Variants in HPCAL1 observed in about 807,000 individuals in gnomAD.
HPCAL1 encodes the protein hippocalcin like 1.
A neutral mutation model predicts 17.1 loss-of-function variants in HPCAL1; 8 were observed. That is an observed-to-expected ratio of 0.47 (90% CI 0.27 to 0.84). The LOEUF (loss-of-function observed/expected upper bound fraction) is 0.84, where lower values mean the gene tolerates loss of function less well. HPCAL1 is among the 40% of genes least tolerant of loss of function. HPCAL1 has a pLI of 0.13. For missense variants in HPCAL1, 165 were observed against 271.1 expected, an observed-to-expected ratio of 0.61 and a Z score of 2.75; for synonymous variants, 112 against 111.4, an observed-to-expected ratio of 1.01 and a Z score of -0.03.
chr2:10,426,091 C>G (rs1397580714), intron 4 of HPCAL1: 1 of 152,382 alleles, frequency 6.6e-6, no homozygotes, highest in African/African-American at 2.4e-5. Flanking sequence ...CCACGAGCCT[C>G]CAGAGGCCAC....
In HPCAL1 at chr2:10,384,043, AC is replaced by A. The variant is rs890331716; in HGVS notation, c.-110-12790del. ...CACACACACACCCACACACACACAC[AC>A]CTTTTGCTGGTGGCTCTGGATTGGT... On this transcript the variant is annotated intron_variant, in intron 1 of 4. Coordinates refer to ENST00000307845, the MANE Select transcript of HPCAL1 (RefSeq NM_002149.4). The surrounding 1 kb of genome is among the most constrained non-coding windows in gnomAD (Gnocchi z 4.4). 6.6e-6 allele frequency among the ~76,000 whole-genome samples: 1 copy of A among 151,490 alleles called. No homozygotes were observed. Among genetic ancestry groups the A allele is most frequent in the Non-Finnish European group, 1.5e-5 (1 of 67,866 alleles).
At chr2:10,313,073 T>C (rs1307879173) in intron 1 of HPCAL1, among the ~76,000 whole-genome samples, 1 of 152,214 alleles carries the variant, frequency 6.6e-6, no homozygotes, top group Non-Finnish European at 1.5e-5. Context: ...AGGATGAGTA[T>C]AGGCATAGAG....
At chr2:10,392,386 T>C (rs911051317) in intron 1 of HPCAL1, among the ~76,000 whole-genome samples, 1 of 152,230 alleles carries the variant, frequency 6.6e-6, no homozygotes, top group African/African-American at 2.4e-5. Flanking sequence ...GTAGTGAAGC[T>C]ATTTGGCCAG....
At position 10,419,554 on chromosome 2, in the gene HPCAL1, TAG is replaced by T. The variant is rs1000024924; in HGVS notation, c.-24-177_-24-176del. ...TGAGGGTGAGCTGTCGTGATATAATTAGAGTCTCTTGGCCTTCTTGGTGGTCC... is the reference window on the plus strand; with the variant it reads ...TGAGGGTGAGCTGTCGTGATATAATTAGTCTCTTGGCCTTCTTGGTGGTCC... On this transcript the variant is annotated intron_variant, in intron 2 of 4. Coordinates refer to ENST00000307845, the MANE Select transcript of HPCAL1 (RefSeq NM_002149.4). This position sits in a 1 kb window ranked among gnomAD's most constrained non-coding sequence, Gnocchi z 5.0. Among the ~76,000 whole-genome samples, 1 of 151,882 alleles carries T rather than the reference TAG, an allele frequency of 6.6e-6. No individual in the cohort carries two copies. Among genetic ancestry groups the T allele is most frequent in the Non-Finnish European group, 1.5e-5 (1 of 67,978 alleles).
intron 2 of HPCAL1, among the ~76,000 whole-genome samples, chr2:10,404,033 T>A (rs1043052730): frequency 6.6e-5 from 10 of 152,170 alleles, no homozygotes; most frequent in Non-Finnish European, 1.5e-4. Context: ...TGTTCTTTAT[T>A]GCTCTATACA....
At chr2:10,332,474 C>T (rs937140389) in intron 1 of HPCAL1, among the ~76,000 whole-genome samples, 1 of 152,172 alleles carries the variant, frequency 6.6e-6, no homozygotes, top group Non-Finnish European at 1.5e-5. Context: ...ACAGCTTCTG[C>T]CTAGGGTGGG....
At chr2:10,398,357 C>T (rs566307436) in intron 2 of HPCAL1, among the ~76,000 whole-genome samples, 11 of 152,350 alleles carry the variant, frequency 7.2e-5, no homozygotes, top group Admixed American at 2.0e-4. Flanking sequence ...GCCCTAGACA[C>T]GGGAGATGCT....
chr2:10,315,404 T>C (rs1038481052), intron 1 of HPCAL1, among the ~76,000 whole-genome samples: 2 of 152,228 alleles, frequency 1.3e-5, no homozygotes, highest in African/African-American at 4.8e-5. Flanking sequence ...ACGGTGGTTG[T>C]ATTCCATGGG....
At position 10,340,524 on chromosome 2, in the gene HPCAL1, C is replaced by T. The variant is rs73161275; in HGVS notation, c.-111+37347C>T. On this transcript the variant is annotated intron_variant, in intron 1 of 4. Coordinates refer to ENST00000307845, the MANE Select transcript of HPCAL1 (RefSeq NM_002149.4). ...CTTTGAGAGGTCATCTGTAGGAGGG[C>T]GCAGGAACATCCCAGGAGGGGGTGT... 1.1e-3 allele frequency among the ~76,000 whole-genome samples: 167 copies of T among 152,272 alleles called. 1 individual carries two copies. Among genetic ancestry groups the T allele is most frequent in the African/African-American group, 3.8e-3 (159 of 41,538 alleles).
rs1324828960 is a variant in HPCAL1 at position 10,334,755 on chromosome 2, G to A, written c.-111+31578G>A. On this transcript the variant is annotated intron_variant, in intron 1 of 4. Transcript: ENST00000307845. ...GGCTGGAGTGCAGTGGCACGATCTCGGCTCATTGCAACTTCCACCTCCCAG... is the reference window on the plus strand; with the variant it reads ...GGCTGGAGTGCAGTGGCACGATCTCAGCTCATTGCAACTTCCACCTCCCAG... Among the ~76,000 whole-genome samples the A allele has an allele frequency of 4.0e-5, 6 of 148,942 alleles. No individual in the cohort carries two copies. In the Admixed American group the frequency reaches 4.0e-4, roughly 10 times the overall value.
At chr2:10,357,324 G>A (rs1666220048) in intron 1 of HPCAL1, among the ~76,000 whole-genome samples, 1 of 152,202 alleles carries the variant, frequency 6.6e-6, no homozygotes, top group Non-Finnish European at 1.5e-5. Context: ...GCTCTCTCAG[G>A]TTTTGCTCTT....
At chr2:10,393,005 A>G (rs1668804881) in intron 1 of HPCAL1, among the ~76,000 whole-genome samples, 1 of 152,168 alleles carries the variant, frequency 6.6e-6, no homozygotes, top group East Asian at 1.9e-4. Context: ...ACCCTACCCT[A>G]AGGTGTGACG....
intron 1 of HPCAL1, among the ~76,000 whole-genome samples, chr2:10,345,839 A>G (rs904538484): frequency 6.6e-6 from 1 of 152,256 alleles, no homozygotes; most frequent in Non-Finnish European, 1.5e-5. Context: ...AATAGAAAAT[A>G]TAAAGAAACT....
chr2:10,304,347 C>A lies in HPCAL1; in HGVS notation c.-111+1170C>A, dbSNP rs1662477040. 6.6e-6 allele frequency among the ~76,000 whole-genome samples: 1 copy of A among 152,240 alleles called. No individual in the cohort carries two copies. The highest frequency in any genetic ancestry group is 1.5e-5 in the Non-Finnish European group (1 of 68,036). On this transcript the variant is annotated intron_variant, in intron 1 of 4. Coordinates refer to ENST00000307845, the MANE Select transcript of HPCAL1 (RefSeq NM_002149.4). This position sits in a 1 kb window ranked among gnomAD's most constrained non-coding sequence, Gnocchi z 4.1. Reference sequence around the variant, plus strand: ...CACGGCGTAAAATTGGCGCTTCCCGCACATGCAGATCTCGGGCTCCCGGGG... The same window carrying A: ...CACGGCGTAAAATTGGCGCTTCCCGAACATGCAGATCTCGGGCTCCCGGGG...
At chr2:10,392,226 C>T (rs929601779) in intron 1 of HPCAL1, among the ~76,000 whole-genome samples, 2 of 150,498 alleles carry the variant, frequency 1.3e-5, no homozygotes, top group South Asian at 2.1e-4. Flanking sequence ...TATTTAGTAG[C>T]GATGAGGTCT....
At chr2:10,315,154 G>T (rs528753417) in intron 1 of HPCAL1, among the ~76,000 whole-genome samples, 3 of 152,082 alleles carry the variant, frequency 2.0e-5, no homozygotes, top group African/African-American at 7.2e-5. Context: ...TTAGCCGGGC[G>T]TGGTGGCGGG....
At chr2:10,424,793 C>A in intron 4 of HPCAL1, 1 of 374,202 alleles carries the variant, frequency 2.7e-6, no homozygotes, top group South Asian at 1.9e-5. Context: ...TGGTCCTCGG[C>A]CCTCAAAGCT....
At chr2:10,406,674 T>C (rs1025888556) in intron 2 of HPCAL1, among the ~76,000 whole-genome samples, 17 of 152,368 alleles carry the variant, frequency 1.1e-4, no homozygotes, top group Middle Eastern at 3.4e-3. Context: ...GGGCTCGCTC[T>C]AGCCTGGCCC....
rs1253213591 is a variant in HPCAL1 at position 10,343,820 on chromosome 2, G to A, written c.-111+40643G>A. Among the ~76,000 whole-genome samples, 1 of 152,182 alleles carries A rather than the reference G, an allele frequency of 6.6e-6. No homozygotes were observed. The highest frequency in any genetic ancestry group is 1.5e-5 in the Non-Finnish European group (1 of 68,032). On this transcript the variant is annotated intron_variant, in intron 1 of 4. Coordinates refer to ENST00000307845, the MANE Select transcript of HPCAL1 (RefSeq NM_002149.4). The surrounding 1 kb of genome is among the most constrained non-coding windows in gnomAD (Gnocchi z 4.8). ...CTCAGGGCTGAGGGGAGAGAGGAGA[G>A]ATGAGGGCAGAAAGAGAAGAGGGGG...
Sources: allele counts gnomAD v4.1 joint callset (sites outside exome capture counted in the v4.1 genomes callset), GRCh38; gene constraint gnomAD v4.1.1; non-coding constraint Gnocchi (gnomAD v3.1); transcripts MANE v1.5; gene names NCBI Gene and HGNC (gene_info 2026-07-23, HGNC 2026-07-21).